MYT1L: variants seen among roughly 807,000 people sequenced by gnomAD.
The protein encoded by MYT1L is myelin transcription factor 1 like, also known as myelin transcription factor 1-like protein.
A neutral mutation model predicts 126.7 loss-of-function variants in MYT1L; 12 were observed. The ratio of observed to expected loss-of-function variants is 0.09; its 90% CI spans 0.06 to 0.15. MYT1L has a LOEUF of 0.15. Ranked by LOEUF, MYT1L falls within the 10% of genes least tolerant of loss-of-function variation. The pLI is 1.00. For missense variants in MYT1L, 979 were observed against 1,585.2 expected (o/e 0.62, Z 6.49); for synonymous variants, 541 against 604.2 (o/e 0.90, Z 1.53).
At chr2:2,007,152 C>T (rs2063414733) in intron 4 of MYT1L, among the ~76,000 whole-genome samples, 1 of 151,962 alleles carries the variant, frequency 6.6e-6, no homozygotes, top group Admixed American at 6.6e-5. Context: ...ATGGGAGTTG[C>T]AGGCATCCTT....
At chr2:2,089,889 A>G (rs1238221190) in intron 3 of MYT1L, among the ~76,000 whole-genome samples, 4 of 152,314 alleles carry the variant, frequency 2.6e-5, no homozygotes, top group Non-Finnish European at 4.4e-5. Flanking sequence ...AAAATATGTC[A>G]TAACACCCTT....
At chr2:1,843,534 C>T (rs2042106916) in intron 19 of MYT1L, among the ~76,000 whole-genome samples, 2 of 151,802 alleles carry the variant, frequency 1.3e-5, no homozygotes, top group Admixed American at 1.3e-4. Context: ...AAGTGTCTTA[C>T]CCAGGGAGAA....
chr2:1,983,834 G>T (rs1157144838), intron 5 of MYT1L, among the ~76,000 whole-genome samples: 2 of 152,162 alleles, frequency 1.3e-5, no homozygotes, highest in Admixed American at 1.3e-4. Context: ...TGGAACTGGA[G>T]AAAGTTCACC....
chr2:1,815,510 C>G (rs536257186), intron 21 of MYT1L, among the ~76,000 whole-genome samples: 2 of 152,336 alleles, frequency 1.3e-5, no homozygotes, highest in South Asian at 4.1e-4. Context: ...AACCACGGGC[C>G]CTAGAGGGAT....
chr2:2,082,504 G>A (rs2075945098), intron 3 of MYT1L, among the ~76,000 whole-genome samples: 2 of 152,126 alleles, frequency 1.3e-5, no homozygotes, highest in South Asian at 4.1e-4. Flanking sequence ...GCTCTGACTG[G>A]CATTCCATGG....
chr2:2,070,459 G>C (rs537581984), intron 3 of MYT1L, among the ~76,000 whole-genome samples: 45 of 152,194 alleles, frequency 3.0e-4, no homozygotes, highest in Non-Finnish European at 6.2e-4. Context: ...CCAAAGCAAT[G>C]ACAGGACATG....
intron 21 of MYT1L, among the ~76,000 whole-genome samples, chr2:1,813,472 G>A (rs1480788865): frequency 6.6e-6 from 1 of 152,178 alleles, no homozygotes; most frequent in Non-Finnish European, 1.5e-5. Context: ...ATTTCCTAGA[G>A]CAGGGGTCCC....
At chr2:2,143,982 G>A (rs920172998) in intron 3 of MYT1L, among the ~76,000 whole-genome samples, 23 of 151,818 alleles carry the variant, frequency 1.5e-4, no homozygotes, top group Non-Finnish European at 5.9e-5. Context: ...AGGGAGGGGC[G>A]CAAGGGTTGA....
chr2:1,978,254 G>T (rs982993810), intron 8 of MYT1L, among the ~76,000 whole-genome samples: 1 of 152,200 alleles, frequency 6.6e-6, no homozygotes, highest in Non-Finnish European at 1.5e-5. Flanking sequence ...AGATGCACCC[G>T]CTTTAGAATC....
chr2:2,098,525 T>C (rs1464384152), intron 3 of MYT1L, among the ~76,000 whole-genome samples: 2 of 152,084 alleles, frequency 1.3e-5, no homozygotes, highest in Non-Finnish European at 2.9e-5. Flanking sequence ...CCAGAGAGGA[T>C]TTGGCAATGT....
intron 23 of MYT1L, among the ~76,000 whole-genome samples, chr2:1,798,835 C>T (rs1435168122): frequency 1.3e-5 from 2 of 152,218 alleles, no homozygotes; most frequent in Non-Finnish European, 1.5e-5. Context: ...GTTCCTCCTC[C>T]ATACTCCCCG....
intron 21 of MYT1L, among the ~76,000 whole-genome samples, chr2:1,818,458 A>G (rs1328853048): frequency 6.6e-6 from 1 of 152,092 alleles, no homozygotes; most frequent in Non-Finnish European, 1.5e-5. Context: ...CTATTTTAAT[A>G]CTCTAACTAT....
intron 1 of MYT1L, among the ~76,000 whole-genome samples, chr2:2,322,750 C>T (rs563373070): frequency 3.9e-5 from 6 of 152,168 alleles, no homozygotes; most frequent in Admixed American, 2.6e-4. Flanking sequence ...AGTTATAAAC[C>T]ACCATCATAA....
At chr2:2,025,918 T>C (rs554980694) in intron 4 of MYT1L, among the ~76,000 whole-genome samples, 14 of 152,352 alleles carry the variant, frequency 9.2e-5, no homozygotes, top group African/African-American at 3.4e-4. Flanking sequence ...GAACTAATCA[T>C]GTGCCTGATT....
At chr2:1,829,574 C>A (rs2039831916) in intron 21 of MYT1L, among the ~76,000 whole-genome samples, 1 of 121,404 alleles carries the variant, frequency 8.2e-6, no homozygotes. Context: ...CCCTCCCATG[C>A]ACCTGTGAAT....
At chr2:2,004,160 T>G in intron 4 of MYT1L, among the ~76,000 whole-genome samples, 1 of 149,740 alleles carries the variant, frequency 6.7e-6, no homozygotes, top group Non-Finnish European at 1.5e-5. Flanking sequence ...CTTTCCTGTG[T>G]GCCTTCTTTC....
At chr2:1,985,610 A>C (rs1016421982) in intron 5 of MYT1L, among the ~76,000 whole-genome samples, 1 of 152,250 alleles carries the variant, frequency 6.6e-6, no homozygotes, top group Admixed American at 6.5e-5. Flanking sequence ...TGACAACAAC[A>C]CGTATTATCA....
chr2:2,248,792 T>C (rs1210450802), intron 2 of MYT1L, among the ~76,000 whole-genome samples: 7 of 152,154 alleles, frequency 4.6e-5, no homozygotes, highest in African/African-American at 1.4e-4. Context: ...TTTCAATTGA[T>C]GCTGAAAAAG....
Position 1,791,501 on chromosome 2 carries a change from A to T in MYT1L, c.*366T>A. ...GTGTGTGTGTTTGTGTGTCCATTTC[A>T]GTTCAAAATACTAAAACATTTAATC... On this transcript the variant is annotated 3_prime_UTR_variant, in exon 25 of 25. Coordinates refer to ENST00000647738, the MANE Select transcript of MYT1L (RefSeq NM_001303052.2). This position sits in a 1 kb window ranked among gnomAD's most constrained non-coding sequence, Gnocchi z 6.0. 1 of 323,902 alleles carries T rather than the reference A, an allele frequency of 3.1e-6. No homozygotes were observed. Among genetic ancestry groups the T allele is most frequent in the South Asian group, 2.7e-5 (1 of 36,882 alleles). 20.1% of individuals were successfully genotyped at this position (323,902 alleles called of 1,614,324 possible).
Sources: gnomAD v4.1 joint callset for allele counts (sites outside exome capture counted in the v4.1 genomes callset) on GRCh38, gnomAD v4.1.1 for gene constraint, Gnocchi (gnomAD v3.1) non-coding constraint, MANE v1.5 for transcripts, NCBI Gene and HGNC (gene_info 2026-07-23, HGNC 2026-07-21) for gene names.